IL1RAPL2: variants seen among roughly 807,000 people sequenced by gnomAD.
The protein encoded by IL1RAPL2 is interleukin 1 receptor accessory protein like 2, also known as X-linked interleukin-1 receptor accessory protein-like 2.
IL1RAPL2 carries 3 observed loss-of-function variants against 44.1 expected under a neutral mutation model. That is an observed-to-expected ratio of 0.07 (90% CI 0.03 to 0.18). The LOEUF (loss-of-function observed/expected upper bound fraction) is 0.18, where lower values mean the gene tolerates loss of function less well. Among genes scored for constraint, IL1RAPL2 ranks in the 10% least tolerant of loss-of-function variants. The pLI is 1.00. For missense variants in IL1RAPL2, 391 were observed against 496.4 expected, an observed-to-expected ratio of 0.79 and a Z score of 2.02; for synonymous variants, 181 against 178.8, an observed-to-expected ratio of 1.01 and a Z score of -0.10.
intron 2 of IL1RAPL2, among the ~76,000 whole-genome samples, chrX:104,852,012 A>G (rs1439352713): frequency 9.0e-6 from 1 of 111,560 alleles, no homozygotes; most frequent in East Asian, 2.8e-4. Context: ...CCACTTTCCA[A>G]CACTGCCACA....
chrX:104,904,701 A>G (rs1337455071), intron 2 of IL1RAPL2, among the ~76,000 whole-genome samples: 2 of 109,832 alleles, frequency 1.8e-5, no homozygotes, highest in African/African-American at 6.6e-5. Context: ...CCAGTCTATC[A>G]TTGTTGGACA....
chrX:104,593,876 C>T (rs1928715228), intron 1 of IL1RAPL2, among the ~76,000 whole-genome samples: 1 of 112,505 alleles, frequency 8.9e-6, no homozygotes, highest in African/African-American at 3.2e-5. Context: ...CAGATTGATG[C>T]TCCCTAGCGA....
intron 6 of IL1RAPL2, among the ~76,000 whole-genome samples, chrX:105,630,088 G>A (rs750008673): frequency 7.2e-5 from 8 of 111,551 alleles, no homozygotes; most frequent in Non-Finnish European, 3.8e-5. Context: ...TAAGCCAACA[G>A]TAAATCAAAT....
At chrX:104,629,658 T>C (rs1827759014) in intron 1 of IL1RAPL2, among the ~76,000 whole-genome samples, 1 of 112,130 alleles carries the variant, frequency 8.9e-6, no homozygotes, top group Non-Finnish European at 1.9e-5. Flanking sequence ...TTTTATTGTT[T>C]GGGATTTTAC....
rs1185112144 is a variant in IL1RAPL2, at chrX:105,541,788, C to G, written c.772+57401C>G. 2.2e-4 allele frequency among the ~76,000 whole-genome samples: 24 copies of G among 110,951 alleles called. No individual in the cohort carries two copies. The Admixed American group carries it at 2.3e-3, about 11-fold the overall frequency. On this transcript the variant is annotated intron_variant, in intron 6 of 10. Transcript: ENST00000372582. ...CTTTTTCTACACCAGCTTAATCTTT[C>G]TAAAGCACAGCTCTGATCACACCAT...
At chrX:104,692,973 T>C (rs1306615352) in intron 2 of IL1RAPL2, among the ~76,000 whole-genome samples, 1 of 111,426 alleles carries the variant, frequency 9.0e-6, no homozygotes, top group African/African-American at 3.3e-5. Flanking sequence ...AGTGTAAAAG[T>C]GTTCCTATTT....
At chrX:104,730,491 T>G (rs1931888986) in intron 2 of IL1RAPL2, among the ~76,000 whole-genome samples, 1 of 104,505 alleles carries the variant, frequency 9.6e-6, no homozygotes, top group South Asian at 4.5e-4. Flanking sequence ...TTTGTCCTTG[T>G]GATAGTTTAC....
intron 6 of IL1RAPL2, among the ~76,000 whole-genome samples, chrX:105,508,719 C>T (rs138372992): frequency 9.1e-6 from 1 of 109,514 alleles, no homozygotes; most frequent in African/African-American, 3.3e-5. Context: ...TGAACTTATC[C>T]ATTCCTCTCT....
chrX:105,477,190 T>G (rs953770951), intron 5 of IL1RAPL2, among the ~76,000 whole-genome samples: 8 of 111,793 alleles, frequency 7.2e-5, no homozygotes, highest in Non-Finnish European at 1.3e-4. Context: ...AGGAGATATA[T>G]TGTAACCAAG....
chrX:105,642,771 A>T (rs2147839864), intron 6 of IL1RAPL2, among the ~76,000 whole-genome samples: 1 of 112,145 alleles, frequency 8.9e-6, no homozygotes, highest in Non-Finnish European at 1.9e-5. Context: ...AAGAAAACCA[A>T]AACCCAGAGA....
chrX:105,384,200 A>G (rs1320176449), intron 5 of IL1RAPL2, among the ~76,000 whole-genome samples: 1 of 111,669 alleles, frequency 9.0e-6, no homozygotes, highest in Non-Finnish European at 1.9e-5. Flanking sequence ...AATGTCCTGA[A>G]GCATTTCCCC....
intron 2 of IL1RAPL2, among the ~76,000 whole-genome samples, chrX:104,880,094 T>C (rs755089645): frequency 9.0e-6 from 1 of 111,362 alleles, no homozygotes; most frequent in Admixed American, 9.6e-5. Flanking sequence ...TATCTGCTAC[T>C]CTTTACTTCT....
At chrX:105,562,371 A>G (rs919617205) in intron 6 of IL1RAPL2, among the ~76,000 whole-genome samples, 1 of 111,144 alleles carries the variant, frequency 9.0e-6, no homozygotes, top group Non-Finnish European at 1.9e-5. Flanking sequence ...ATGGACTTCA[A>G]ATGTTCTCAC....
At chrX:105,566,970 C>T (rs2036979171) in intron 6 of IL1RAPL2, among the ~76,000 whole-genome samples, 1 of 111,336 alleles carries the variant, frequency 9.0e-6, no homozygotes, top group East Asian at 2.8e-4. Flanking sequence ...GAACTATGGT[C>T]TCATTGATCT....
chrX:105,637,718 T>C (rs766955157), intron 6 of IL1RAPL2, among the ~76,000 whole-genome samples: 1 of 109,702 alleles, frequency 9.1e-6, no homozygotes, highest in Non-Finnish European at 1.9e-5. Context: ...TAACCATACA[T>C]TGAAGCAGGA....
intron 5 of IL1RAPL2, among the ~76,000 whole-genome samples, chrX:105,416,721 A>G (rs2035735811): frequency 8.9e-6 from 1 of 111,752 alleles, no homozygotes; most frequent in Non-Finnish European, 1.9e-5. Context: ...GCCTTCCTGT[A>G]TTAAAGAGGA....
chrX:105,395,470 C>T (rs1009429203), intron 5 of IL1RAPL2, among the ~76,000 whole-genome samples: 98 of 109,761 alleles, frequency 8.9e-4, no homozygotes, highest in Middle Eastern at 4.7e-3. Flanking sequence ...TGATTTATTT[C>T]GTAAGAAAGA....
At chrX:104,690,366 C>T (rs1340360553) in intron 2 of IL1RAPL2, among the ~76,000 whole-genome samples, 1 of 112,011 alleles carries the variant, frequency 8.9e-6, no homozygotes, top group East Asian at 2.8e-4. Flanking sequence ...TGAAATGTTC[C>T]AAAAATATGC....
intron 2 of IL1RAPL2, among the ~76,000 whole-genome samples, chrX:105,009,561 G>A (rs2031010342): frequency 1.1e-5 from 1 of 95,004 alleles, no homozygotes; most frequent in Non-Finnish European, 2.1e-5. Context: ...AGAACACATG[G>A]ACACAGGAAG....
Sources: allele counts gnomAD v4.1 joint callset (sites outside exome capture counted in the v4.1 genomes callset), GRCh38; gene constraint gnomAD v4.1.1; transcripts MANE v1.5; gene names NCBI Gene and HGNC (gene_info 2026-07-23, HGNC 2026-07-21).